Variants in DPP10 observed in about 807,000 individuals in gnomAD.
DPP10 encodes the protein inactive dipeptidyl peptidase 10.
Under a neutral mutation model 120.9 loss-of-function variants are expected in DPP10, and 33 were observed. That is an observed-to-expected ratio of 0.27 (90% CI 0.21 to 0.37). The LOEUF is 0.37. Ranked by LOEUF, DPP10 falls within the 10% of genes least tolerant of loss-of-function variation. The pLI is 1.00. For missense variants in DPP10, 816 were observed against 942.8 expected, an observed-to-expected ratio of 0.87 and a Z score of 1.76; for synonymous variants, 337 against 326.1, an observed-to-expected ratio of 1.03 and a Z score of -0.36.
chr2:114,494,111 A>AAAC (rs1220688196), intron 1 of DPP10, among the ~76,000 whole-genome samples: 1 of 146,172 alleles, frequency 6.8e-6, no homozygotes, highest in South Asian at 2.1e-4. Context: ...CAAAAAAAAA[A>AAAC]AAAAAAAAAA....
intron 1 of DPP10, among the ~76,000 whole-genome samples, chr2:115,276,307 A>G (rs1164408343): frequency 1.3e-5 from 2 of 152,146 alleles, no homozygotes; most frequent in African/African-American, 4.8e-5. Flanking sequence ...GTATCAGTCA[A>G]AAGGATAATT....
chr2:114,697,328 T>A (rs1451166042), intron 1 of DPP10, among the ~76,000 whole-genome samples: 1 of 152,106 alleles, frequency 6.6e-6, no homozygotes, highest in Non-Finnish European at 1.5e-5. Flanking sequence ...GGAAATTTAA[T>A]GCATCAGACA....
chr2:115,253,279 A>G (rs1319514464), intron 1 of DPP10, among the ~76,000 whole-genome samples: 3 of 152,176 alleles, frequency 2.0e-5, no homozygotes, highest in Non-Finnish European at 1.5e-5. Flanking sequence ...CTCTGCCTTC[A>G]ACACTGGGGA....
intron 1 of DPP10, among the ~76,000 whole-genome samples, chr2:114,626,080 C>T (rs924359572): frequency 6.6e-6 from 1 of 151,208 alleles, no homozygotes; most frequent in African/African-American, 2.4e-5. Context: ...TTAATTTACC[C>T]TCATCAATCC....
intron 3 of DPP10, among the ~76,000 whole-genome samples, chr2:115,376,601 G>A (rs540739568): frequency 6.6e-6 from 1 of 150,882 alleles, no homozygotes; most frequent in Admixed American, 6.6e-5. Context: ...TGCACAATGT[G>A]CAGGTTAGTT....
intron 3 of DPP10, among the ~76,000 whole-genome samples, chr2:115,369,343 A>G (rs1226414127): frequency 6.6e-6 from 1 of 152,120 alleles, no homozygotes; most frequent in African/African-American, 2.4e-5. Flanking sequence ...TTAGATTATT[A>G]TAATAAAAAA....
Position 115,364,949 on chromosome 2 carries a change from CA to C in DPP10, c.271+21038del, listed in dbSNP as rs894854026. 4.6e-5 allele frequency among the ~76,000 whole-genome samples: 7 copies of C among 152,096 alleles called. 1 individual carries two copies. The highest frequency in any genetic ancestry group is 1.7e-4 in the African/African-American group (7 of 41,514). ...TTCCAAAAATTAAAGAGAAGAAAAT[CA>C]CTCAGCTTAATTTTCGTTTAACAAA... On this transcript the variant is annotated intron_variant, in intron 3 of 25. Coordinates refer to ENST00000410059, the MANE Select transcript of DPP10 (RefSeq NM_020868.6).
intron 1 of DPP10, among the ~76,000 whole-genome samples, chr2:114,684,398 C>T (rs976249131): frequency 1.3e-5 from 2 of 151,948 alleles, no homozygotes; most frequent in African/African-American, 2.4e-5. Flanking sequence ...TTCTGCAGTA[C>T]AGAGAGAAAT....
chr2:115,325,640 A>T (rs1480194353), intron 2 of DPP10, among the ~76,000 whole-genome samples: 1 of 152,184 alleles, frequency 6.6e-6, no homozygotes, highest in Non-Finnish European at 1.5e-5. Context: ...ATTTCAAATA[A>T]AATGTGTATT....
chr2:114,852,059 C>T (rs1374679996), intron 1 of DPP10, among the ~76,000 whole-genome samples: 1 of 151,658 alleles, frequency 6.6e-6, no homozygotes, highest in African/African-American at 2.4e-5. Context: ...CTCACCTTTG[C>T]AGCCTCATCC....
chr2:115,397,392 G>A (rs1309291547), intron 3 of DPP10, among the ~76,000 whole-genome samples: 1 of 151,958 alleles, frequency 6.6e-6, no homozygotes, highest in African/African-American at 2.4e-5. Flanking sequence ...TTTAATTCAA[G>A]CACTCATTGA....
intron 5 of DPP10, among the ~76,000 whole-genome samples, chr2:115,636,432 A>C (rs1053049603): frequency 1.3e-5 from 2 of 152,032 alleles, no homozygotes; most frequent in African/African-American, 4.8e-5. Context: ...TAAACTGTTT[A>C]TTTTTCTCAG....
At chr2:115,690,419 A>ATG (rs1166240996) in intron 7 of DPP10, among the ~76,000 whole-genome samples, 1 of 151,936 alleles carries the variant, frequency 6.6e-6, no homozygotes, top group Non-Finnish European at 1.5e-5. Flanking sequence ...TTATATATAT[A>ATG]TGTATGTGCA....
chr2:115,561,173 AC>A (rs1309325415), intron 5 of DPP10, among the ~76,000 whole-genome samples: 2 of 151,882 alleles, frequency 1.3e-5, no homozygotes, highest in African/African-American at 4.8e-5. Context: ...ACACAGTGAA[AC>A]CCCGTCTCTA....
chr2:115,323,636 G>GA (rs1273815503), intron 2 of DPP10, among the ~76,000 whole-genome samples: 11 of 152,106 alleles, frequency 7.2e-5, no homozygotes, highest in Non-Finnish European at 1.5e-5. Flanking sequence ...ACCAACATTG[G>GA]AAAATCAAAA....
intron 1 of DPP10, among the ~76,000 whole-genome samples, chr2:115,183,824 G>A (rs532981287): frequency 6.6e-6 from 1 of 152,082 alleles, no homozygotes; most frequent in East Asian, 1.9e-4. Flanking sequence ...AAGCTAGATC[G>A]AAAGAGCTTT....
At chr2:115,738,067 G>T (rs1676793991) in intron 8 of DPP10, among the ~76,000 whole-genome samples, 1 of 152,180 alleles carries the variant, frequency 6.6e-6, no homozygotes, top group African/African-American at 2.4e-5. Context: ...GATTGGCCAA[G>T]AAATCATAAC....
At chr2:115,533,520 A>G (rs562373207) in intron 5 of DPP10, among the ~76,000 whole-genome samples, 5 of 152,230 alleles carry the variant, frequency 3.3e-5, no homozygotes, top group East Asian at 3.9e-4. Flanking sequence ...TGCATCCTGC[A>G]TGCACTACTG....
At chr2:114,640,768 G>A (rs773812724) in intron 1 of DPP10, among the ~76,000 whole-genome samples, 5 of 151,862 alleles carry the variant, frequency 3.3e-5, no homozygotes, top group African/African-American at 4.9e-5. Flanking sequence ...AATGGACCAG[G>A]CATCTCTTTT....
Sources: gnomAD v4.1 joint callset for allele counts (sites outside exome capture counted in the v4.1 genomes callset) on GRCh38, gnomAD v4.1.1 for gene constraint, MANE v1.5 for transcripts, NCBI Gene and HGNC (gene_info 2026-07-23, HGNC 2026-07-21) for gene names.